Variants in ZNF225 observed in about 807,000 individuals in gnomAD.
The protein encoded by ZNF225 is zinc finger protein 225.
ZNF225 carries 6 observed loss-of-function variants against 12.0 expected under a neutral mutation model. That is an observed-to-expected ratio of 0.50 (90% CI 0.27 to 0.98). The LOEUF is 0.98. ZNF225 is among the 50% of genes least tolerant of loss of function. The pLI, the probability that ZNF225 is intolerant of heterozygous loss-of-function variation, is 0.11. For synonymous variants in ZNF225, 271 were observed against 283.2 expected (o/e 0.96, Z 0.43); for missense variants, 763 against 848.2 (o/e 0.90, Z 1.25).
chr19:44,125,992 C>G (rs1345811737), intron 4 of ZNF225, among the ~76,000 whole-genome samples: 2 of 152,058 alleles, frequency 1.3e-5, no homozygotes, highest in Admixed American at 6.6e-5. Flanking sequence ...TTCTCTGGTG[C>G]CTCCCTGATT....
chr19:44,117,926 G>T (rs1967972563), intron 2 of ZNF225, among the ~76,000 whole-genome samples: 1 of 152,136 alleles, frequency 6.6e-6, no homozygotes, highest in Non-Finnish European at 1.5e-5. Flanking sequence ...GGCTGAGGCG[G>T]GAGGATCACT....
chr19:44,116,237 T>C (rs1967939641), intron 2 of ZNF225, among the ~76,000 whole-genome samples: 2 of 152,320 alleles, frequency 1.3e-5, no homozygotes, highest in South Asian at 4.1e-4. Flanking sequence ...AACAGAGATA[T>C]AGCATGGGAC....
chr19:44,115,332 C>A (rs1967922883), intron 1 of ZNF225, among the ~76,000 whole-genome samples: 1 of 152,214 alleles, frequency 6.6e-6, no homozygotes, highest in Admixed American at 6.5e-5. Context: ...ATTAAGCCTC[C>A]TTGTGCTCAC....
rs78588408 is a variant in ZNF225, at chr19:44,120,965, C to T, written c.235+2391C>T. 6.9e-3 allele frequency among the ~76,000 whole-genome samples: 1,045 copies of T among 151,988 alleles called. 32 individuals carry two copies. The highest frequency in any genetic ancestry group is 0.05 in the Admixed American group (770 of 15,266). On this transcript the variant is annotated intron_variant, in intron 4 of 4. Coordinates refer to ENST00000262894, the MANE Select transcript of ZNF225 (RefSeq NM_013362.4). ...AGGCTGGAGTGCAGTGGTGCCATCT[C>T]GGCTCACTGCAGGCTCCGCCTCCCA...
chr19:44,122,865 T>A (rs1035565402), intron 4 of ZNF225, among the ~76,000 whole-genome samples: 1 of 152,198 alleles, frequency 6.6e-6, no homozygotes, highest in African/African-American at 2.4e-5. Context: ...GAAACTTTGC[T>A]GAATTCTTTT....
chr19:44,125,773 C>T (rs767422741), intron 4 of ZNF225, among the ~76,000 whole-genome samples: 2 of 152,076 alleles, frequency 1.3e-5, no homozygotes, highest in South Asian at 2.1e-4. Context: ...TGGGTTAATT[C>T]GAAGAACTTG....
At chr19:44,118,442 GA>G in intron 3 of ZNF225, 39 bp from the exon 4 acceptor site, 1 of 1,612,122 alleles carries the variant, frequency 6.2e-7, no homozygotes, top group Non-Finnish European at 8.5e-7. Flanking sequence ...TTTTTTCTAG[GA>G]TATATTGGCA....
At chr19:44,113,031 C>G (rs1310528690), upstream of ZNF225, 1 of 152,338 alleles carries the variant, frequency 6.6e-6, no homozygotes, top group Non-Finnish European at 1.5e-5. Context: ...CTTTGGGATT[C>G]GTTCCCAGTG....
upstream of ZNF225, chr19:44,112,855 T>C (rs1465993640): frequency 6.6e-6 from 1 of 152,256 alleles, no homozygotes; most frequent in African/African-American, 2.4e-5. Context: ...CCTCGAAGAC[T>C]GTGTCTTCTC....
rs1270972515 is a variant in ZNF225, at chr19:44,131,491, T to C, written c.877T>C (p.Cys293Arg). The C allele has an allele frequency of 1.2e-6, 2 of 1,614,134 alleles. No individual in the cohort carries two copies. Among genetic ancestry groups the C allele is most frequent in the Middle Eastern group, 1.6e-4 (1 of 6,062 alleles). ...GGAGAAGCCATTCAAATGTGATATA[T>C]GTTGTAAGAGCTTCCGTAGTAGAGC... is the stretch of plus-strand genomic sequence containing the variant. Reference protein sequence around the residue: ...TGEKPFKCDICCKSFRSRANL... With the variant: ...TGEKPFKCDIRCKSFRSRANL... The change falls in exon 5 of 5, where the codon TGT (cysteine) becomes CGT (arginine). Residue 293 changes from cysteine to arginine, a missense_variant. Physicochemically the swap from Cys to Arg is radical, Grantham distance 180. Coordinates refer to ENST00000262894, the MANE Select transcript of ZNF225 (RefSeq NM_013362.4).
chr19:44,118,654 C>A, intron 4 of ZNF225, 80 bp downstream of exon 4: 1 of 1,417,176 alleles, frequency 7.1e-7, no homozygotes, highest in Non-Finnish European at 9.8e-7. Flanking sequence ...GCTCTGTTGT[C>A]CTGGTCTAAA....
upstream of ZNF225, among the ~76,000 whole-genome samples, chr19:44,111,739 AAGAG>A (rs555188587): frequency 5.3e-4 from 80 of 152,334 alleles, no homozygotes; most frequent in African/African-American, 1.7e-3. Context: ...GGTAATAGAA[AAGAG>A]AGAAAGATTC....
rs1968290859 is a variant in ZNF225 at position 44,132,306 on chromosome 19, A to C, written c.1692A>C (p.Gly564=). Reference sequence around the variant, plus strand: ...ACATGCACCAGAGGGTCCACACCGGAGAGAGACCTTATAATTGTAAAGAAT... The same window carrying C: ...ACATGCACCAGAGGGTCCACACCGGCGAGAGACCTTATAATTGTAAAGAAT... ...NLDMHQRVHT[G]ERPYNCKECG... is the part of the protein sequence containing the mutation. Residue 564 remains glycine (G), a synonymous_variant, in exon 5 of 5, where the codon GGA becomes GGC. Transcript: ENST00000262894. The C allele has an allele frequency of 6.2e-7, 1 of 1,614,030 alleles. No individual in the cohort carries two copies. The highest frequency in any genetic ancestry group is 1.3e-5 in the African/African-American group (1 of 75,008).
In ZNF225 at chr19:44,130,947, A is replaced by T; in HGVS notation, c.333A>T (p.Leu111Phe). The T allele has an allele frequency of 6.2e-7, 1 of 1,614,144 alleles. No individual in the cohort carries two copies. Among genetic ancestry groups the T allele is most frequent in the East Asian group, 2.2e-5 (1 of 44,860 alleles). The change falls in exon 5 of 5, where the codon TTA becomes TTT. Residue 111 changes from leucine (L) to phenylalanine (F), a missense_variant. Transcript: ENST00000262894. ...CCTGGGAACAAATTTCAAGTGACTT[A>T]ACCAGGTTTCAAGACTCCATGGTAA... ...HQTWEQISSD[L>F]TRFQDSMVNS... is the part of the protein sequence containing the mutation.
chr19:44,132,631 G>A lies in ZNF225; in HGVS notation c.2017G>A (p.Asp673Asn). Residue 673 changes from aspartate to asparagine, a missense_variant, in exon 5 of 5, where the codon GAC becomes AAC. Physicochemically the swap from Asp to Asn is conservative, Grantham distance 23 (BLOSUM62 1). Coordinates refer to ENST00000262894, the MANE Select transcript of ZNF225 (RefSeq NM_013362.4). ...TTCATGCCTTAAAGACCAACAAAGAGACCAAAGTGGAGAGAAAACATCTAA... is the reference window on the plus strand; with the variant it reads ...TTCATGCCTTAAAGACCAACAAAGAAACCAAAGTGGAGAGAAAACATCTAA... Reference protein sequence around the residue: ...HSSCLKDQQRDQSGEKTSKCE... With the variant: ...HSSCLKDQQRNQSGEKTSKCE... 2 of 1,613,814 alleles carry A rather than the reference G, an allele frequency of 1.2e-6. No homozygotes were observed. The highest frequency in any genetic ancestry group is 1.7e-6 in the Non-Finnish European group (2 of 1,179,944).
intron 2 of ZNF225, among the ~76,000 whole-genome samples, 176 bp from the exon 3 acceptor site, chr19:44,118,012 G>T (rs1967974334): frequency 6.6e-6 from 1 of 151,916 alleles, no homozygotes; most frequent in Non-Finnish European, 1.5e-5. Context: ...GAGCAAGACT[G>T]TCTCAAAATA....
In ZNF225 at chr19:44,132,080, G is replaced by A. The variant is rs746003512; in HGVS notation, c.1466G>A (p.Cys489Tyr). 6 of 1,614,072 alleles carry A rather than the reference G, an allele frequency of 3.7e-6. No homozygotes were observed. The Admixed American group carries it at 6.7e-5, about 18-fold the overall frequency. The change falls in exon 5 of 5, where the codon TGT becomes TAT. Residue 489 changes from cysteine (C) to tyrosine (Y), a missense_variant. Physicochemically the swap from Cys to Tyr is radical, Grantham distance 194. Coordinates refer to ENST00000262894, the MANE Select transcript of ZNF225 (RefSeq NM_013362.4). ...GAAAAACCATTTAAATGTGAAGAATGTGGGAAAAGATTTACTCAGAATTCA... is the reference window on the plus strand; with the variant it reads ...GAAAAACCATTTAAATGTGAAGAATATGGGAAAAGATTTACTCAGAATTCA... ...SGEKPFKCEE[C>Y]GKRFTQNSQL...
intron 4 of ZNF225, among the ~76,000 whole-genome samples, chr19:44,122,970 C>T (rs1204392402): frequency 2.0e-5 from 3 of 152,068 alleles, no homozygotes; most frequent in Admixed American, 6.6e-5. Context: ...TCCTCTTTAC[C>T]GATTTGGGTG....
upstream of ZNF225, chr19:44,112,925 T>C (rs1967859160): frequency 6.6e-6 from 1 of 152,220 alleles, no homozygotes; most frequent in African/African-American, 2.4e-5. Context: ...CTTCAGAAAT[T>C]CCTGTCTATT....
Sources: gnomAD v4.1 joint callset for allele counts (sites outside exome capture counted in the v4.1 genomes callset) on GRCh38, gnomAD v4.1.1 for gene constraint, MANE v1.5 for transcripts, NCBI Gene and HGNC (gene_info 2026-07-23, HGNC 2026-07-21) for gene names.